CDKAL1: variants seen among roughly 807,000 people sequenced by gnomAD.
CDKAL1 encodes threonylcarbamoyladenosine tRNA methylthiotransferase.
In CDKAL1, 32 loss-of-function variants were observed where a neutral mutation model predicts 68.2. That is an observed-to-expected ratio of 0.47 (90% confidence interval 0.35 to 0.63). The LOEUF is 0.63. Ranked by LOEUF, CDKAL1 falls within the 30% of genes least tolerant of loss-of-function variation. The probability of loss-of-function intolerance (pLI) is 0.00; values close to 1 mark genes in which losing one functional copy is unlikely to be tolerated. For synonymous variants in CDKAL1, 234 were observed against 244.3 expected (o/e 0.96, Z 0.39); for missense variants, 606 against 696.7 (o/e 0.87, Z 1.47).
chr6:20,636,868 C>G (rs1767927524), intron 4 of CDKAL1, among the ~76,000 whole-genome samples: 1 of 151,808 alleles, frequency 6.6e-6, no homozygotes, highest in African/African-American at 2.4e-5. Context: ...GAAACCCCGT[C>G]TCTACTAAAA....
intron 4 of CDKAL1, among the ~76,000 whole-genome samples, chr6:20,588,089 C>A (rs938365708): frequency 1.3e-5 from 2 of 152,014 alleles, no homozygotes; most frequent in Admixed American, 1.3e-4. Context: ...AGAGCAAGAC[C>A]CTGCCTCAAA....
Position 20,721,725 on chromosome 6 carries a change from G to GTTTTTTTTTTTTTTTTTTTTTT in CDKAL1, c.372-17790_372-17769dup, listed in dbSNP as rs145893325. The stretch of plus-strand genomic sequence containing the variant: ...CTTCTCTGCACCCTGACCAACTTCT[G>GTTTTTTTTTTTTTTTTTTTTTT]TTTTTTTTTTTTTTTTTTTTTTTTT... On this transcript the variant is annotated intron_variant, in intron 5 of 15. Transcript: ENST00000274695. Among the ~76,000 whole-genome samples the GTTTTTTTTTTTTTTTTTTTTTT allele has an allele frequency of 1.0e-4, 7 of 67,376 alleles. 1 individual carries two copies. Among genetic ancestry groups the GTTTTTTTTTTTTTTTTTTTTTT allele is most frequent in the South Asian group, 6.6e-4 (1 of 1,524 alleles). The allele number at this position is 67,376 out of a possible 152,430, so 44.2% of individuals were successfully genotyped here. A position where few individuals can be genotyped will look rare whatever the true frequency, so the allele number is the denominator to read the frequency against.
chr6:20,565,611 C>T (rs1020596836), intron 4 of CDKAL1, among the ~76,000 whole-genome samples: 6 of 151,986 alleles, frequency 3.9e-5, no homozygotes, highest in South Asian at 4.1e-4. Context: ...GCTACATATG[C>T]GATTTGTCTG....
intron 9 of CDKAL1, among the ~76,000 whole-genome samples, chr6:20,898,050 G>C (rs1025842040): frequency 1.3e-5 from 2 of 152,122 alleles, no homozygotes; most frequent in African/African-American, 4.8e-5. Context: ...TTAATCAACA[G>C]ATCTTTACTC....
intron 9 of CDKAL1, among the ~76,000 whole-genome samples, chr6:20,950,330 G>T: frequency 6.6e-6 from 1 of 152,094 alleles, no homozygotes; most frequent in Middle Eastern, 3.4e-3. Flanking sequence ...CTCCATGTTG[G>T]TCAGGCTGGT....
At chr6:21,084,931 A>G (rs989339200) in intron 12 of CDKAL1, among the ~76,000 whole-genome samples, 1 of 152,168 alleles carries the variant, frequency 6.6e-6, no homozygotes, top group Non-Finnish European at 1.5e-5. Flanking sequence ...TCTTCTCTCT[A>G]GGTTAACCCA....
At chr6:20,922,391 G>T (rs544053432) in intron 9 of CDKAL1, among the ~76,000 whole-genome samples, 1 of 152,178 alleles carries the variant, frequency 6.6e-6, no homozygotes, top group Non-Finnish European at 1.5e-5. Flanking sequence ...GAAGGGGTAG[G>T]AGAGGAACAT....
At chr6:21,185,319 T>A (rs1394027166) in intron 13 of CDKAL1, among the ~76,000 whole-genome samples, 3 of 152,098 alleles carry the variant, frequency 2.0e-5, no homozygotes, top group African/African-American at 4.8e-5. Flanking sequence ...TTGGACTAAA[T>A]AACTGTGTCC....
intron 5 of CDKAL1, among the ~76,000 whole-genome samples, chr6:20,681,467 G>A (rs1770371620): frequency 6.6e-6 from 1 of 152,190 alleles, no homozygotes; most frequent in African/African-American, 2.4e-5. Context: ...ACCAGGTATT[G>A]TGTTAGGGGG....
chr6:20,936,026 A>G (rs1370376659), intron 9 of CDKAL1, among the ~76,000 whole-genome samples: 2 of 152,040 alleles, frequency 1.3e-5, no homozygotes, highest in African/African-American at 4.8e-5. Flanking sequence ...GTGTAGATAT[A>G]TAATAATGAA....
chr6:20,955,039 G>T (rs1399479464), intron 9 of CDKAL1, among the ~76,000 whole-genome samples: 1 of 152,154 alleles, frequency 6.6e-6, no homozygotes, highest in Non-Finnish European at 1.5e-5. Flanking sequence ...ACTGCTGATG[G>T]TGCCTATTCT....
chr6:20,839,045 G>A (rs950481839), intron 8 of CDKAL1, among the ~76,000 whole-genome samples: 1 of 150,518 alleles, frequency 6.6e-6, no homozygotes. Flanking sequence ...TACATATTGT[G>A]TGTCAATTGA....
At chr6:20,543,022 G>C (rs1011045743) in intron 2 of CDKAL1, among the ~76,000 whole-genome samples, 14 of 152,210 alleles carry the variant, frequency 9.2e-5, no homozygotes, top group Non-Finnish European at 1.9e-4. Context: ...TTGCTCAATA[G>C]TGTTCCATGG....
At position 21,212,201 on chromosome 6, in the gene CDKAL1, T is replaced by G. The variant is rs895399423; in HGVS notation, c.1548+10927T>G. ...AGTGCAGTGCCTGTTTCATGGTTAT[T>G]GAATGAACTTGGCTCTCGGCGATAT... On this transcript the variant is annotated intron_variant, in intron 15 of 15. Coordinates refer to ENST00000274695, the MANE Select transcript of CDKAL1 (RefSeq NM_017774.3). Among the ~76,000 whole-genome samples the G allele has an allele frequency of 3.3e-5, 5 of 152,328 alleles. No individual in the cohort carries two copies. The South Asian group carries it at 6.2e-4, about 19-fold the overall frequency.
chr6:20,984,006 G>T (rs1463687377), intron 10 of CDKAL1, among the ~76,000 whole-genome samples: 2 of 152,178 alleles, frequency 1.3e-5, no homozygotes, highest in Non-Finnish European at 2.9e-5. Context: ...ATATTCCATT[G>T]CCACCATTGT....
intron 4 of CDKAL1, among the ~76,000 whole-genome samples, chr6:20,632,088 G>T (rs1036368189): frequency 3.3e-5 from 5 of 152,098 alleles, no homozygotes; most frequent in African/African-American, 4.8e-5. Context: ...CTTAGGATGG[G>T]GTTACATCCT....
intron 12 of CDKAL1, among the ~76,000 whole-genome samples, chr6:21,103,164 A>G (rs539216869): frequency 6.6e-6 from 1 of 152,228 alleles, no homozygotes; most frequent in Non-Finnish European, 1.5e-5. Flanking sequence ...AACAACTTAG[A>G]GAATGGGTAC....
intron 11 of CDKAL1, among the ~76,000 whole-genome samples, chr6:21,020,095 C>T (rs1031376818): frequency 6.6e-6 from 1 of 151,968 alleles, no homozygotes; most frequent in Admixed American, 6.6e-5. Context: ...ACTCTTTCCT[C>T]CAAAAAAAGT....
chr6:20,777,428 C>T (rs910199801), intron 7 of CDKAL1, among the ~76,000 whole-genome samples: 5 of 152,108 alleles, frequency 3.3e-5, no homozygotes, highest in African/African-American at 1.2e-4. Flanking sequence ...GCTTGGGCAA[C>T]ATGGCAAGAC....
Sources: allele counts gnomAD v4.1 joint callset (sites outside exome capture counted in the v4.1 genomes callset), GRCh38; gene constraint gnomAD v4.1.1; transcripts MANE v1.5; gene names NCBI Gene and HGNC (gene_info 2026-07-23, HGNC 2026-07-21).